ZNF638: variants seen among roughly 807,000 people sequenced by gnomAD.
ZNF638 encodes zinc finger protein 638, also known as CTCL tumor antigen se33-1.
A neutral mutation model predicts 195.6 loss-of-function variants in ZNF638; 46 were observed. The observed-to-expected ratio is 0.24, with a 90% CI of 0.19 to 0.30. ZNF638 has a LOEUF of 0.30. Among genes scored for constraint, ZNF638 ranks in the 10% least tolerant of loss-of-function variants. The pLI is 1.00. For missense variants in ZNF638, 2,440 were observed against 2,325.3 expected, an observed-to-expected ratio of 1.05 and a Z score of -1.01; for synonymous variants, 845 against 772.0, an observed-to-expected ratio of 1.09 and a Z score of -1.57.
At chr2:71,397,107 T>G (rs2079908526) in intron 11 of ZNF638, among the ~76,000 whole-genome samples, 1 of 152,218 alleles carries the variant, frequency 6.6e-6, no homozygotes, top group Non-Finnish European at 1.5e-5. Flanking sequence ...AGGAAACTTG[T>G]CTTGAAGCTG....
chr2:71,348,739 GT>G lies in ZNF638; in HGVS notation c.-202-10del. 3 of 1,515,608 alleles carry G rather than the reference GT, an allele frequency of 2.0e-6. No homozygotes were observed. Among genetic ancestry groups the G allele is most frequent in the South Asian group, 1.2e-5 (1 of 82,032 alleles). The allele number at this position is 1,515,608 out of a possible 1,614,324, so 93.9% of individuals were successfully genotyped here. A position where few individuals can be genotyped will look rare whatever the true frequency, so the allele number is the denominator to read the frequency against. On this transcript the variant is annotated splice_polypyrimidine_tract_variant and intron_variant, in intron 1 of 27. Transcript: ENST00000264447. ...TGAGTTAAAATGATCTAATATTTGT[GT>G]TTTAACTTTCAGCTTTGTGTTATTC...
chr2:71,430,152 A>G (rs1290992823), intron 25 of ZNF638, among the ~76,000 whole-genome samples: 1 of 152,080 alleles, frequency 6.6e-6, no homozygotes, highest in Admixed American at 6.5e-5. Flanking sequence ...AGAAAAAGTC[A>G]TTTTTCCACA....
At position 71,336,623 on chromosome 2, in the gene ZNF638, A is replaced by G. The variant is rs138824041; in HGVS notation, c.-203+4748A>G. Among the ~76,000 whole-genome samples, 357 of 152,304 alleles carry G rather than the reference A, an allele frequency of 2.3e-3. 2 individuals carry two copies. The highest frequency in any genetic ancestry group is 2.4e-3 in the Non-Finnish European group (165 of 68,024). On this transcript the variant is annotated intron_variant, in intron 1 of 27. Transcript: ENST00000264447. Reference sequence around the variant, plus strand: ...ATTTACAATTTTAGTTAATCTTCACAGCAGCATTCCCAATGGGTACTGTTG... The same window carrying G: ...ATTTACAATTTTAGTTAATCTTCACGGCAGCATTCCCAATGGGTACTGTTG...
chr2:71,362,788 G>A (rs2079131370), intron 3 of ZNF638, among the ~76,000 whole-genome samples: 1 of 152,128 alleles, frequency 6.6e-6, no homozygotes, highest in African/African-American at 2.4e-5. Flanking sequence ...CATTCATGTT[G>A]TATTCTGTGA....
intron 5 of ZNF638, among the ~76,000 whole-genome samples, chr2:71,364,485 G>T (rs2079162221): frequency 6.6e-6 from 1 of 152,090 alleles, no homozygotes; most frequent in Admixed American, 6.6e-5. Context: ...AAATGTCTTA[G>T]TTTGCTTTAA....
At chr2:71,431,741 CAG>C (rs1430006080) in intron 26 of ZNF638, among the ~76,000 whole-genome samples, 1 of 144,218 alleles carries the variant, frequency 6.9e-6, no homozygotes, top group Non-Finnish European at 1.5e-5. Flanking sequence ...GCCTGGGCGA[CAG>C]AGTGAGACTC....
At chr2:71,376,436 T>G (rs2079426835) in intron 8 of ZNF638, 1 of 152,206 alleles carries the variant, frequency 6.6e-6, no homozygotes, top group African/African-American at 2.4e-5. Context: ...AATAAGTGTC[T>G]GAGGCAGGAA....
chr2:71,334,064 A>G (rs2078620592), intron 1 of ZNF638, among the ~76,000 whole-genome samples: 1 of 152,156 alleles, frequency 6.6e-6, no homozygotes, highest in African/African-American at 2.4e-5. Context: ...AACTTTTTAC[A>G]TGCCTTTCTT....
intron 10 of ZNF638, among the ~76,000 whole-genome samples, chr2:71,385,100 C>G (rs935745342): frequency 3.9e-5 from 6 of 152,172 alleles, no homozygotes; most frequent in Non-Finnish European, 5.9e-5. Context: ...ACACTACACA[C>G]CTATCAGAAT....
chr2:71,388,699 T>G lies in ZNF638; in HGVS notation c.2378-7442T>G, dbSNP rs1412333540. Reference sequence around the variant, plus strand: ...GGGATCACGACGGAACCCCCGAAAATGAAGGCGAAGAGACTGTGCAGTCAG... The same window carrying G: ...GGGATCACGACGGAACCCCCGAAAAGGAAGGCGAAGAGACTGTGCAGTCAG... On this transcript the variant is annotated intron_variant, in intron 10 of 27. Transcript: ENST00000264447. 3 of 1,166,234 alleles carry G rather than the reference T, an allele frequency of 2.6e-6. No individual in the cohort carries two copies. In the East Asian group the frequency reaches 7.0e-5, roughly 27 times the overall value. The allele number at this position is 1,166,234 out of a possible 1,614,324, so 72.2% of individuals were successfully genotyped here.
intron 1 of ZNF638, among the ~76,000 whole-genome samples, chr2:71,344,876 G>C (rs940275644): frequency 7.9e-5 from 12 of 152,164 alleles, no homozygotes; most frequent in African/African-American, 2.7e-4. Flanking sequence ...CATTTTATTT[G>C]GAGTGGATAT....
intron 8 of ZNF638, among the ~76,000 whole-genome samples, chr2:71,373,101 T>C (rs907081874): frequency 3.3e-5 from 5 of 152,196 alleles, no homozygotes; most frequent in African/African-American, 9.6e-5. Flanking sequence ...ATAACTGTTA[T>C]AATTTACTCC....
intron 25 of ZNF638, among the ~76,000 whole-genome samples, chr2:71,430,780 T>C (rs565835387): frequency 1.4e-4 from 22 of 152,342 alleles, no homozygotes; most frequent in Admixed American, 6.5e-4. Flanking sequence ...TCTTCATTTT[T>C]GTCTGTCCCC....
At chr2:71,336,264 G>T (rs934503529) in intron 1 of ZNF638, among the ~76,000 whole-genome samples, 1 of 151,672 alleles carries the variant, frequency 6.6e-6, no homozygotes, top group Non-Finnish European at 1.5e-5. Flanking sequence ...CAGCTACTCG[G>T]GAGGCTGAGG....
chr2:71,350,402 A>T, intron 2 of ZNF638, 131 bp downstream of exon 2: 1 of 918,204 alleles, frequency 1.1e-6, no homozygotes, highest in Non-Finnish European at 1.7e-6. Context: ...TGCAACCTCA[A>T]TACATAGTTG....
At chr2:71,366,646 G>A (rs1401238515) in intron 6 of ZNF638, among the ~76,000 whole-genome samples, 2 of 152,156 alleles carry the variant, frequency 1.3e-5, no homozygotes, top group African/African-American at 2.4e-5. Context: ...ATAATCACCA[G>A]CAGCATTATT....
rs2080479261 is a variant in ZNF638, at chr2:71,423,799, G to A, written c.4285G>A (p.Glu1429Lys). Reference sequence around the variant, plus strand: ...TGTGCCCAGAGATCAAATAAATGCTGAAAAGAAACTTTCAGCCAAGGAATT... The same window carrying A: ...TGTGCCCAGAGATCAAATAAATGCTAAAAAGAAACTTTCAGCCAAGGAATT... The part of the protein sequence containing the change: ...KSVPRDQINA[E>K]KKLSAKEFGL... Residue 1429 changes from glutamate to lysine, a missense_variant, in exon 22 of 28, where the codon GAA (glutamate) becomes AAA (lysine). By Grantham distance (56) the Glu-to-Lys change is moderately conservative (BLOSUM62 1). Coordinates refer to ENST00000264447, the MANE Select transcript of ZNF638 (RefSeq NM_014497.5). 2 of 1,613,860 alleles carry A rather than the reference G, an allele frequency of 1.2e-6. No individual in the cohort carries two copies. The highest frequency in any genetic ancestry group is 1.7e-6 in the Non-Finnish European group (2 of 1,180,000).
intron 1 of ZNF638, chr2:71,334,729 C>T (rs1463652405): frequency 6.6e-6 from 1 of 152,266 alleles, no homozygotes; most frequent in African/African-American, 2.4e-5. Context: ...ACCATCCTGG[C>T]TAACACGGTG....
chr2:71,398,294 T>TA (rs2104421898), intron 11 of ZNF638, among the ~76,000 whole-genome samples: 1 of 152,284 alleles, frequency 6.6e-6, no homozygotes, highest in African/African-American at 2.4e-5. Flanking sequence ...ATATACACCT[T>TA]ATATACATAG....
Sources: allele counts gnomAD v4.1 joint callset (sites outside exome capture counted in the v4.1 genomes callset), GRCh38; gene constraint gnomAD v4.1.1; transcripts MANE v1.5; gene names NCBI Gene and HGNC (gene_info 2026-07-23, HGNC 2026-07-21).